The following CREB5 variants were observed in gnomAD, a reference collection of about 807,000 sequenced individuals.
The protein encoded by CREB5 is cyclic AMP-responsive element-binding protein 5.
Under a neutral mutation model 57.1 loss-of-function variants are expected in CREB5, and 19 were observed. The ratio of observed to expected loss-of-function variants is 0.33; its 90% CI spans 0.23 to 0.49. The LOEUF is 0.49. Ranked by LOEUF, CREB5 falls within the 20% of genes least tolerant of loss-of-function variation. The pLI is 0.99. For synonymous variants in CREB5, 238 were observed against 238.3 expected (o/e 1.00, Z 0.01); for missense variants, 579 against 671.6 (o/e 0.86, Z 1.52).
upstream of CREB5, chr7:28,410,158 C>A (rs1373199135): frequency 9.9e-6 from 4 of 405,768 alleles, no homozygotes; most frequent in Middle Eastern, 8.2e-4. Context: ...CGGGTGGGCG[C>A]GCGCCCGGGG....
chr7:28,634,317 T>C (rs1294957801), intron 5 of CREB5, among the ~76,000 whole-genome samples: 2 of 152,234 alleles, frequency 1.3e-5, no homozygotes, highest in Non-Finnish European at 2.9e-5. Context: ...AACAGATTAA[T>C]GCATGCTCAT....
chr7:28,417,489 G>A (rs1348018203), intron 1 of CREB5, among the ~76,000 whole-genome samples: 1 of 152,036 alleles, frequency 6.6e-6, no homozygotes, highest in Non-Finnish European at 1.5e-5. Context: ...AGACAACACA[G>A]GGTAAATCAG....
At chr7:28,435,622 G>C (rs1788929375) in intron 1 of CREB5, 1 of 984,990 alleles carries the variant, frequency 1.0e-6, no homozygotes, top group East Asian at 1.1e-4. Flanking sequence ...AAGTTTTAGT[G>C]GTGGAGTCAA....
intron 4 of CREB5, among the ~76,000 whole-genome samples, chr7:28,555,070 A>T (rs12113157): frequency 6.7e-6 from 1 of 148,716 alleles, no homozygotes; most frequent in Non-Finnish European, 1.5e-5. Context: ...GACTCAGCAC[A>T]CTAGAGGTCT....
chr7:28,540,243 T>G (rs1263920501), intron 4 of CREB5, among the ~76,000 whole-genome samples: 1 of 152,196 alleles, frequency 6.6e-6, no homozygotes, highest in African/African-American at 2.4e-5. Context: ...AATTTGAAAT[T>G]TATTCTTTTA....
intron 5 of CREB5, among the ~76,000 whole-genome samples, chr7:28,688,646 A>G (rs1185389502): frequency 6.6e-6 from 1 of 152,190 alleles, no homozygotes; most frequent in African/African-American, 2.4e-5. Context: ...ATATTTATGT[A>G]TCCGGGGTAG....
At chr7:28,472,427 T>G (rs1266240952) in intron 1 of CREB5, among the ~76,000 whole-genome samples, 1 of 152,218 alleles carries the variant, frequency 6.6e-6, no homozygotes, top group African/African-American at 2.4e-5. Flanking sequence ...TGAGGAAATA[T>G]GCGTGGATAA....
At chr7:28,672,853 C>T (rs1800116161) in intron 5 of CREB5, among the ~76,000 whole-genome samples, 1 of 152,230 alleles carries the variant, frequency 6.6e-6, no homozygotes, top group African/African-American at 2.4e-5. Context: ...AATTTTCATG[C>T]TCCAACACTG....
intron 1 of CREB5, among the ~76,000 whole-genome samples, chr7:28,306,647 G>A (rs1360209850): frequency 1.5e-5 from 2 of 130,632 alleles, no homozygotes; most frequent in East Asian, 5.3e-4. Context: ...TGCAAGCTCC[G>A]CCTCCCGGGT....
At chr7:28,779,299 G>A (rs1375358913) in intron 7 of CREB5, 1 of 152,146 alleles carries the variant, frequency 6.6e-6, no homozygotes, top group Non-Finnish European at 1.5e-5. Flanking sequence ...AAGCAGGGCG[G>A]ATAGACACAA....
intron 1 of CREB5, among the ~76,000 whole-genome samples, chr7:28,461,670 C>T (rs1790355614): frequency 6.6e-6 from 1 of 152,140 alleles, no homozygotes; most frequent in South Asian, 2.1e-4. Context: ...CATTGTAACA[C>T]TTTCCCAACA....
chr7:28,495,467 G>C (rs530176937), intron 3 of CREB5, among the ~76,000 whole-genome samples: 2 of 152,046 alleles, frequency 1.3e-5, no homozygotes, highest in East Asian at 1.9e-4. Flanking sequence ...GCTTGGACCC[G>C]GGAGGGGGAG....
At chr7:28,447,782 G>A (rs1223255483) in intron 1 of CREB5, among the ~76,000 whole-genome samples, 1 of 152,110 alleles carries the variant, frequency 6.6e-6, no homozygotes, top group Non-Finnish European at 1.5e-5. Context: ...CACATTCCCA[G>A]CCCGTCTCAG....
intron 7 of CREB5, among the ~76,000 whole-genome samples, chr7:28,791,438 C>T (rs1807705330): frequency 6.6e-6 from 1 of 152,190 alleles, no homozygotes; most frequent in Admixed American, 6.5e-5. Flanking sequence ...AACCAAGAGG[C>T]TCTCCAGCTA....
chr7:28,586,507 C>T (rs1398723272), intron 5 of CREB5, among the ~76,000 whole-genome samples: 1 of 152,172 alleles, frequency 6.6e-6, no homozygotes, highest in Non-Finnish European at 1.5e-5. Context: ...GAAGTCTGAC[C>T]TCGGGCTCTT....
intron 1 of CREB5, among the ~76,000 whole-genome samples, chr7:28,305,926 CGT>C (rs139654206): frequency 2.7e-5 from 4 of 150,384 alleles, no homozygotes; most frequent in South Asian, 2.1e-4. Context: ...ATAGTGTGTG[CGT>C]GTGTGTGTGT....
At chr7:28,512,837 G>A (rs1485325094) in intron 4 of CREB5, among the ~76,000 whole-genome samples, 4 of 152,128 alleles carry the variant, frequency 2.6e-5, no homozygotes, top group East Asian at 3.8e-4. Context: ...GACCTAAATC[G>A]GACTCATTAT....
At position 28,821,676 on chromosome 7, in the gene CREB5, T is replaced by C. The variant is rs554394696; in HGVS notation, c.*2397T>C. ...ACTCAGCTTTAAAAAGAAGTTAACA[T>C]TCATATCTCTGTTTTGAAATCAAAA... On this transcript the variant is annotated 3_prime_UTR_variant, in exon 11 of 11. Coordinates refer to ENST00000357727, the MANE Select transcript of CREB5 (RefSeq NM_182898.4). 6.6e-6 allele frequency: 1 copy of C among 152,184 alleles called. No homozygotes were observed. The highest frequency in any genetic ancestry group is 2.4e-5 in the African/African-American group (1 of 41,454). 9.4% of individuals were successfully genotyped at this position (152,184 alleles called of 1,614,324 possible). A position where few individuals can be genotyped will look rare whatever the true frequency, so the allele number is the denominator to read the frequency against.
chr7:28,443,222 T>C (rs904508657), intron 1 of CREB5, among the ~76,000 whole-genome samples: 16 of 152,186 alleles, frequency 1.1e-4, no homozygotes, highest in Non-Finnish European at 8.8e-5. Flanking sequence ...CTCTTGTTCC[T>C]AGCTCCTATG....
Sources: allele counts gnomAD v4.1 joint callset (sites outside exome capture counted in the v4.1 genomes callset), GRCh38; gene constraint gnomAD v4.1.1; transcripts MANE v1.5; gene names NCBI Gene and HGNC (gene_info 2026-07-23, HGNC 2026-07-21).